The following NXPH2 variants were observed in gnomAD, a reference collection of about 807,000 sequenced individuals.
NXPH2 encodes neurexophilin 2.
Under a neutral mutation model 19.8 loss-of-function variants are expected in NXPH2, and 5 were observed. The observed-to-expected ratio is 0.25, with a 90% CI of 0.13 to 0.53. The LOEUF (loss-of-function observed/expected upper bound fraction) is 0.53, where lower values mean the gene tolerates loss of function less well. NXPH2 is among the 20% of genes least tolerant of loss of function. The pLI is 0.96. For missense variants in NXPH2, 289 were observed against 322.8 expected (o/e 0.90, Z 0.80); for synonymous variants, 154 against 127.4 (o/e 1.21, Z -1.41).
intron 1 of NXPH2, among the ~76,000 whole-genome samples, chr2:138,773,677 A>G (rs1434742221): frequency 2.6e-5 from 4 of 152,226 alleles, no homozygotes; most frequent in Non-Finnish European, 5.9e-5. Context: ...AGATTTAAAA[A>G]TTATCATTAT....
intron 1 of NXPH2, among the ~76,000 whole-genome samples, chr2:138,686,390 C>T (rs1201365615): frequency 6.6e-6 from 1 of 152,074 alleles, no homozygotes; most frequent in Non-Finnish European, 1.5e-5. Context: ...CTCTTGCCAT[C>T]ATTTCATGTT....
Position 138,671,169 on chromosome 2 carries a change from T to C in NXPH2, c.548A>G (p.Lys183Arg), listed in dbSNP as rs772378574. ...ATACTCAATGCGACAATTGAAAGATTTGGATTCCTTGGTCTCCAAGGTAGA... is the reference window on the plus strand; with the variant it reads ...ATACTCAATGCGACAATTGAAAGATCTGGATTCCTTGGTCTCCAAGGTAGA... ...PQSTLETKES[K>R]SFNCRIEYEK... Residue 183 changes from lysine (K) to arginine (R), a missense_variant, in exon 2 of 2, where the codon AAA (lysine) becomes AGA (arginine). Coordinates refer to ENST00000272641, the MANE Select transcript of NXPH2 (RefSeq NM_007226.3). The C allele has an allele frequency of 1.2e-5, 19 of 1,613,902 alleles. No individual in the cohort carries two copies. In the South Asian group the frequency reaches 1.8e-4, roughly 15 times the overall value.
rs192669983 is a variant in NXPH2, at chr2:138,762,792, A to G, written c.51+17399T>C. Among the ~76,000 whole-genome samples, 45 of 152,298 alleles carry G rather than the reference A, an allele frequency of 3.0e-4. 1 individual carries two copies. The highest frequency in any genetic ancestry group is 6.5e-5 in the Admixed American group (1 of 15,302). On this transcript the variant is annotated intron_variant, in intron 1 of 1. Transcript: ENST00000272641. The stretch of plus-strand genomic sequence containing the variant: ...GAACAGTATGCAGATGACACTCTTC[A>G]ACTGAAAGTAGATCTGTCCCCTTTA...
At chr2:138,707,886 A>G (rs1170118465) in intron 1 of NXPH2, among the ~76,000 whole-genome samples, 1 of 152,124 alleles carries the variant, frequency 6.6e-6, no homozygotes, top group Non-Finnish European at 1.5e-5. Flanking sequence ...GCCTCATGTC[A>G]TTAGCTAATT....
chr2:138,763,729 C>T (rs1480491998), intron 1 of NXPH2, among the ~76,000 whole-genome samples: 4 of 152,144 alleles, frequency 2.6e-5, no homozygotes, highest in African/African-American at 7.2e-5. Context: ...AGGAAATAAA[C>T]TCAGAGCTTC....
intron 1 of NXPH2, among the ~76,000 whole-genome samples, chr2:138,766,884 T>C (rs1682100616): frequency 6.6e-6 from 1 of 152,208 alleles, no homozygotes; most frequent in African/African-American, 2.4e-5. Context: ...AAGCACAAAG[T>C]AAACAAAGAT....
intron 1 of NXPH2, among the ~76,000 whole-genome samples, chr2:138,745,418 A>G (rs1332590260): frequency 6.8e-6 from 1 of 147,630 alleles, no homozygotes; most frequent in African/African-American, 2.5e-5. Flanking sequence ...GAGTTAAGCA[A>G]GCTAATTGTG....
At chr2:138,678,421 T>A (rs151216234) in intron 1 of NXPH2, among the ~76,000 whole-genome samples, 1 of 152,168 alleles carries the variant, frequency 6.6e-6, no homozygotes, top group Non-Finnish European at 1.5e-5. Flanking sequence ...CTCATAAGGG[T>A]TGCAGACTGT....
At chr2:138,698,711 G>A (rs1056291475) in intron 1 of NXPH2, among the ~76,000 whole-genome samples, 11 of 152,022 alleles carry the variant, frequency 7.2e-5, no homozygotes, top group Non-Finnish European at 1.5e-4. Flanking sequence ...CAAATTAGCC[G>A]GGTGTGGTGG....
chr2:138,770,731 C>G lies in NXPH2; in HGVS notation c.51+9460G>C, dbSNP rs1308724773. Among the ~76,000 whole-genome samples the G allele has an allele frequency of 2.0e-5, 3 of 151,924 alleles. No homozygotes were observed. In the East Asian group the frequency reaches 5.8e-4, roughly 29 times the overall value. The stretch of plus-strand genomic sequence containing the variant: ...CCATAAAAAAGATATCCATAACAAC[C>G]TAATAATGTACCAGATATTCAGGAA... On this transcript the variant is annotated intron_variant, in intron 1 of 1. Coordinates refer to ENST00000272641, the MANE Select transcript of NXPH2 (RefSeq NM_007226.3).
intron 1 of NXPH2, among the ~76,000 whole-genome samples, chr2:138,705,136 A>T (rs1161691861): frequency 6.6e-6 from 1 of 151,814 alleles, no homozygotes; most frequent in Non-Finnish European, 1.5e-5. Context: ...CTTTTAAAAA[A>T]ATTTTTTTGT....
intron 1 of NXPH2, among the ~76,000 whole-genome samples, chr2:138,739,809 A>G (rs1681615072): frequency 6.6e-6 from 1 of 152,222 alleles, no homozygotes; most frequent in South Asian, 2.1e-4. Flanking sequence ...ATTTCATGAA[A>G]CAAAAAATAA....
At chr2:138,680,460 C>T (rs76486994) in intron 1 of NXPH2, among the ~76,000 whole-genome samples, 3,176 of 152,246 alleles carry the variant, frequency 0.021, 49 homozygotes, top group Non-Finnish European at 0.033. Flanking sequence ...TTTCAGGAGC[C>T]CACATTTGTG....
chr2:138,739,267 G>A (rs879360262), intron 1 of NXPH2, among the ~76,000 whole-genome samples: 4 of 152,178 alleles, frequency 2.6e-5, no homozygotes, highest in Non-Finnish European at 5.9e-5. Context: ...GCTCCAGGAA[G>A]AGAAAGAGAA....
At chr2:138,760,243 G>C (rs952943380) in intron 1 of NXPH2, among the ~76,000 whole-genome samples, 1 of 151,980 alleles carries the variant, frequency 6.6e-6, no homozygotes, top group African/African-American at 2.4e-5. Flanking sequence ...GCTACCTCCC[G>C]CCAACTACTA....
intron 1 of NXPH2, among the ~76,000 whole-genome samples, chr2:138,724,669 A>T (rs1681331205): frequency 1.3e-5 from 2 of 152,254 alleles, no homozygotes; most frequent in Non-Finnish European, 2.9e-5. Context: ...TGACTGCTTC[A>T]GTGCAAAGGA....
chr2:138,739,628 T>C (rs1043354828), intron 1 of NXPH2, among the ~76,000 whole-genome samples: 2 of 152,092 alleles, frequency 1.3e-5, no homozygotes, highest in African/African-American at 2.4e-5. Context: ...CTGAGGGACT[T>C]AGATGCCAGG....
At chr2:138,763,204 T>C (rs545401262) in intron 1 of NXPH2, among the ~76,000 whole-genome samples, 9 of 152,262 alleles carry the variant, frequency 5.9e-5, no homozygotes, top group African/African-American at 1.2e-4. Context: ...AGAAAAATCA[T>C]AAATCAATGA....
intron 1 of NXPH2, among the ~76,000 whole-genome samples, chr2:138,726,531 C>T (rs1225881866): frequency 1.3e-5 from 2 of 149,852 alleles, no homozygotes; most frequent in East Asian, 1.9e-4. Context: ...CACACACACA[C>T]ACACACACAC....
Sources: allele counts gnomAD v4.1 joint callset (sites outside exome capture counted in the v4.1 genomes callset), GRCh38; gene constraint gnomAD v4.1.1; transcripts MANE v1.5; gene names NCBI Gene and HGNC (gene_info 2026-07-23, HGNC 2026-07-21).